Variants in DHX29 observed in about 807,000 individuals in gnomAD.
DHX29 encodes DExH-box helicase 29.
In DHX29, 79 loss-of-function variants were observed where a neutral mutation model predicts 167.9. That is an observed-to-expected ratio of 0.47 (90% CI 0.39 to 0.57). The LOEUF is 0.57. Among genes scored for constraint, DHX29 ranks in the 20% least tolerant of loss-of-function variants. DHX29 has a pLI of 0.00. For missense variants in DHX29, 1,347 were observed against 1,593.4 expected (o/e 0.85, Z 2.63); for synonymous variants, 530 against 546.0 (o/e 0.97, Z 0.41).
Position 55,272,087 on chromosome 5 carries a change from T to C in DHX29, c.2864A>G (p.Lys955Arg). 1.3e-6 allele frequency: 2 copies of C among 1,542,974 alleles called. No homozygotes were observed. The highest frequency in any genetic ancestry group is 2.3e-5 in the East Asian group (1 of 43,368). ...TTTGATTTGGGAAATTTAAACTTAC[T>C]TATTTTCTTTTGTTCTTCCAGTATC... is the stretch of plus-strand genomic sequence containing the variant. ...VIDTGRTKEN[K>R]YHESSQMSSL... Residue 955 changes from lysine to arginine, a missense_variant and splice_region_variant, in exon 18 of 27, where the codon AAG becomes AGG. Transcript: ENST00000251636.
chr5:55,269,551 C>T lies in DHX29; in HGVS notation c.3156G>A (p.Leu1052=), dbSNP rs1208844388. 1 of 1,614,104 alleles carries T rather than the reference C, an allele frequency of 6.2e-7. No homozygotes were observed. The part of the protein sequence containing the change: ...QLQVISNAMN[L]LRKIGACELN... ...ATTCACAAGCTCCAATTTTTCGGAG[C>T]AAATTCATTGCATTGCTGATCACTT... The change falls in exon 21 of 27, where the codon TTG becomes TTA. Residue 1052 remains leucine (L), a synonymous_variant. Transcript: ENST00000251636.
rs1278059531 is a variant in DHX29 at position 55,302,830 on chromosome 5, C to A, written c.188-4166G>T. On this transcript the variant is annotated intron_variant, in intron 1 of 26. Transcript: ENST00000251636. ...ATTCACTGGGCCACGTTCACTTTTG[C>A]CAAGTAAAGTGCATAAGATTTATGA... Among the ~76,000 whole-genome samples the A allele has an allele frequency of 2.6e-5, 4 of 152,038 alleles. No homozygotes were observed. The East Asian group carries it at 7.7e-4, about 29-fold the overall frequency.
intron 1 of DHX29, among the ~76,000 whole-genome samples, chr5:55,302,194 T>G (rs1264055673): frequency 2.0e-5 from 3 of 152,172 alleles, no homozygotes; most frequent in Admixed American, 1.3e-4. Context: ...AGAGTATATA[T>G]TTAGTAGTCT....
At chr5:55,305,560 C>G (rs1748818235) in intron 1 of DHX29, among the ~76,000 whole-genome samples, 1 of 152,178 alleles carries the variant, frequency 6.6e-6, no homozygotes, top group Non-Finnish European at 1.5e-5. Flanking sequence ...TCTGGAAGAT[C>G]AGTCTGATGT....
Position 55,307,661 on chromosome 5 carries a change from G to C in DHX29, c.-88C>G, listed in dbSNP as rs909312732. The C allele has an allele frequency of 3.3e-6, 5 of 1,516,448 alleles. No homozygotes were observed. In the South Asian group the frequency reaches 5.9e-5, roughly 18 times the overall value. 93.9% of individuals were successfully genotyped at this position (1,516,448 alleles called of 1,614,324 possible). On this transcript the variant is annotated 5_prime_UTR_variant, in exon 1 of 27. Transcript: ENST00000251636. ...GAGCTCTTCACATTCCCCGGCTCCG[G>C]GGCTGCCACCCTGCGCTTCGATCCG...
At chr5:55,283,844 T>G (rs1561155827) in intron 10 of DHX29, 33 bp from the exon 11 acceptor site, 1 of 1,519,100 alleles carries the variant, frequency 6.6e-7, no homozygotes, top group African/African-American at 1.4e-5. Context: ...TTATTTTCAC[T>G]AACTATTCAA....
chr5:55,283,560 C>G lies in DHX29; in HGVS notation c.1608G>C (p.Leu536=), dbSNP rs750886721. 3.1e-6 allele frequency: 5 copies of G among 1,614,170 alleles called. No individual in the cohort carries two copies. Among genetic ancestry groups the G allele is most frequent in the Non-Finnish European group, 4.2e-6 (5 of 1,180,028 alleles). ...CTTCCACATTTGCTGATTCCAAGGA[C>G]AGTGCAGAAAAATCCTCATCCGAAA... ...NLVSDEDFSA[L]SLESANVEDL... is the part of the protein sequence containing the mutation. The change falls in exon 11 of 27, where the codon CTG becomes CTC. Residue 536 remains leucine (L), a synonymous_variant. Transcript: ENST00000251636.
intron 17 of DHX29, 93 bp downstream of exon 17, chr5:55,273,200 T>G: frequency 7.5e-7 from 1 of 1,337,640 alleles, no homozygotes; most frequent in Non-Finnish European, 9.9e-7. Context: ...AGGCACTTAA[T>G]GTTAACAACT....
At chr5:55,297,511 TCA>T in intron 2 of DHX29, 113 bp from the exon 3 acceptor site, 1 of 625,162 alleles carries the variant, frequency 1.6e-6, no homozygotes, top group Non-Finnish European at 2.8e-6. Context: ...TCAGCTAAAA[TCA>T]GATACAGTAA....
In DHX29 at chr5:55,270,451, G is replaced by C. The variant is rs1027511485; in HGVS notation, c.3030C>G (p.Ile1010Met). ...ATAATTCCTCCAAAGGTACACGTAA[G>C]ATTTCAGGAACAGAATAATCCATAA... Reference protein sequence around the residue: ...EGFMDYSVPEILRVPLEELCL... With the variant: ...EGFMDYSVPEMLRVPLEELCL... Residue 1010 changes from isoleucine to methionine, a missense_variant, in exon 20 of 27, where the codon ATC (isoleucine) becomes ATG (methionine). Coordinates refer to ENST00000251636, the MANE Select transcript of DHX29 (RefSeq NM_019030.4). The C allele has an allele frequency of 7.4e-6, 12 of 1,612,760 alleles. No homozygotes were observed. Among genetic ancestry groups the C allele is most frequent in the Non-Finnish European group, 9.3e-6 (11 of 1,179,592 alleles).
At chr5:55,261,319 TG>T (rs1746303287) in intron 25 of DHX29, 48 bp downstream of exon 25, 4 of 1,091,348 alleles carry the variant, frequency 3.7e-6, no homozygotes, top group Non-Finnish European at 5.3e-6. Flanking sequence ...TCAATGGTAC[TG>T]GAAGTTGAAA....
intron 1 of DHX29, among the ~76,000 whole-genome samples, chr5:55,306,943 A>G (rs1186444677): frequency 2.0e-5 from 3 of 152,126 alleles, no homozygotes; most frequent in Non-Finnish European, 4.4e-5. Context: ...TTAAGTATTG[A>G]TTTTTCCAGA....
rs773363898 is a variant in DHX29 at position 55,285,278 on chromosome 5, C to A, written c.1356+15G>T. The A allele has an allele frequency of 6.2e-7, 1 of 1,612,642 alleles. No homozygotes were observed. The highest frequency in any genetic ancestry group is 8.5e-7 in the Non-Finnish European group (1 of 1,179,480). On this transcript the variant is annotated intron_variant, in intron 10 of 26. Coordinates refer to ENST00000251636, the MANE Select transcript of DHX29 (RefSeq NM_019030.4). Reference sequence around the variant, plus strand: ...CCTTCCACATACAGATATAGTTAGGCCTAAAAAGTCTTACCTGCCCTTTAA... The same window carrying A: ...CCTTCCACATACAGATATAGTTAGGACTAAAAAGTCTTACCTGCCCTTTAA...
chr5:55,289,258 C>T lies in DHX29; in HGVS notation c.1066+12G>A. On this transcript the variant is annotated intron_variant, in intron 8 of 26. Transcript: ENST00000251636. ...TACAAATTACACCCTGACCATCTTCCCTTAATTTTACCTTTCTCTTCTTCA... is the reference window on the plus strand; with the variant it reads ...TACAAATTACACCCTGACCATCTTCTCTTAATTTTACCTTTCTCTTCTTCA... 1 of 1,537,092 alleles carries T rather than the reference C, an allele frequency of 6.5e-7. No homozygotes were observed. Among genetic ancestry groups the T allele is most frequent in the Non-Finnish European group, 8.7e-7 (1 of 1,149,884 alleles).
intron 6 of DHX29, among the ~76,000 whole-genome samples, chr5:55,293,117 T>C (rs1303662133): frequency 2.0e-5 from 3 of 152,370 alleles, no homozygotes; most frequent in Admixed American, 1.3e-4. Flanking sequence ...GCTATATATA[T>C]TCTTTTACAC....
rs771592539 is a variant in DHX29 at position 55,274,998 on chromosome 5, C to T, written c.2440G>A (p.Val814Ile). Residue 814 changes from valine to isoleucine, a missense_variant, in exon 15 of 27, where the codon GTT (valine) becomes ATT (isoleucine). Val to Ile is a conservative substitution (Grantham distance 29). Coordinates refer to ENST00000251636, the MANE Select transcript of DHX29 (RefSeq NM_019030.4). Reference protein sequence around the residue: ...GIKKYQEYIPVQTGAHADLNP... With the variant: ...GIKKYQEYIPIQTGAHADLNP... ...AAATCAGCATGTGCTCCAGTCTGAACTGGGATGTATTCCTAAAAGAAATCC... is the reference window on the plus strand; with the variant it reads ...AAATCAGCATGTGCTCCAGTCTGAATTGGGATGTATTCCTAAAAGAAATCC... 2.5e-6 allele frequency: 4 copies of T among 1,612,324 alleles called. No homozygotes were observed. Among genetic ancestry groups the T allele is most frequent in the Non-Finnish European group, 2.5e-6 (3 of 1,179,614 alleles).
intron 16 of DHX29, among the ~76,000 whole-genome samples, chr5:55,273,792 G>A (rs1746966287): frequency 6.6e-6 from 1 of 152,024 alleles, no homozygotes. Context: ...TTAATCTTAA[G>A]AAGATGAAGG....
Position 55,304,482 on chromosome 5 carries a change from T to G in DHX29, c.187+2905A>C, listed in dbSNP as rs191093329. Reference sequence around the variant, plus strand: ...CGCTCGCCACTATGCCCAGCTAATTTTTTATATTTTTAGTAGAGACGGGGT... The same window carrying G: ...CGCTCGCCACTATGCCCAGCTAATTGTTTATATTTTTAGTAGAGACGGGGT... On this transcript the variant is annotated intron_variant, in intron 1 of 26. Transcript: ENST00000251636. Among the ~76,000 whole-genome samples, 474 of 151,880 alleles carry G rather than the reference T, an allele frequency of 3.1e-3. 5 individuals are homozygous for G. The Middle Eastern group carries it at 0.041, about 13-fold the overall frequency.
In DHX29 at chr5:55,296,293, G is replaced by A. The variant is rs998546411; in HGVS notation, c.432C>T (p.Ala144=). ...CTCCATATAAGAGTGTATTGGTCAT[G>A]GCATCTTCAATGTCCTTTGTCTTAA... ...FSFKTKDIED[A]MTNTLLYGGD... The change falls in exon 4 of 27, where the codon GCC becomes GCT. Residue 144 remains alanine (A), a synonymous_variant. Coordinates refer to ENST00000251636, the MANE Select transcript of DHX29 (RefSeq NM_019030.4). 6.2e-7 allele frequency: 1 copy of A among 1,613,482 alleles called. No homozygotes were observed. The highest frequency in any genetic ancestry group is 1.3e-5 in the African/African-American group (1 of 74,888).
Sources: gnomAD v4.1 joint callset for allele counts (sites outside exome capture counted in the v4.1 genomes callset) on GRCh38, gnomAD v4.1.1 for gene constraint, MANE v1.5 for transcripts, NCBI Gene and HGNC (gene_info 2026-07-23, HGNC 2026-07-21) for gene names.